The following KPNA6 variants were observed in gnomAD, a reference collection of about 807,000 sequenced individuals.
KPNA6 encodes karyopherin subunit alpha 6, also known as importin subunit alpha-7.
In KPNA6, 9 loss-of-function variants were observed where a neutral mutation model predicts 72.0. The ratio of observed to expected loss-of-function variants is 0.13; its 90% CI spans 0.08 to 0.22. The LOEUF is 0.22. Among genes scored for constraint, KPNA6 ranks in the 10% least tolerant of loss-of-function variants. The probability of loss-of-function intolerance (pLI) is 1.00; values close to 1 mark genes in which losing one functional copy is unlikely to be tolerated. For missense variants in KPNA6, 374 were observed against 655.7 expected (o/e 0.57, Z 4.69); for synonymous variants, 219 against 242.1 (o/e 0.90, Z 0.89).
chr1:32,135,870 T>C (rs1284038962), intron 1 of KPNA6, among the ~76,000 whole-genome samples: 1 of 151,866 alleles, frequency 6.6e-6, no homozygotes, highest in African/African-American at 2.4e-5. Context: ...ATACTAAATA[T>C]ACTAAAAATG....
Position 32,176,451 on chromosome 1 carries a change from G to C in KPNA6, c.*5557G>C, listed in dbSNP as rs1309203908. The C allele has an allele frequency of 6.6e-6, 1 of 152,450 alleles. No individual in the cohort carries two copies. Among genetic ancestry groups the C allele is most frequent in the Non-Finnish European group, 1.5e-5 (1 of 68,028 alleles). 9.4% of individuals were successfully genotyped at this position (152,450 alleles called of 1,614,324 possible). ...GAAAACATGGCATTGAGTGTGCTGA[G>C]TCCAGACAAATGTTATTTATATACA... On this transcript the variant is annotated 3_prime_UTR_variant, in exon 14 of 14. Coordinates refer to ENST00000373625, the MANE Select transcript of KPNA6 (RefSeq NM_012316.5).
chr1:32,119,000 A>G (rs1406372550), intron 1 of KPNA6, among the ~76,000 whole-genome samples: 246 of 56,298 alleles, frequency 4.4e-3, no homozygotes, highest in African/African-American at 0.013. Context: ...GTGTATACAT[A>G]TATATATATA....
intron 7 of KPNA6, 27 bp from the exon 8 acceptor site, chr1:32,161,920 A>T: frequency 6.3e-7 from 1 of 1,581,152 alleles, no homozygotes; most frequent in Non-Finnish European, 8.7e-7. Flanking sequence ...CTCAGTGCTC[A>T]GGATCTGGCT....
intron 1 of KPNA6, among the ~76,000 whole-genome samples, chr1:32,154,068 G>C (rs1177684144): frequency 2.0e-5 from 3 of 151,762 alleles, no homozygotes; most frequent in Non-Finnish European, 4.4e-5. Context: ...AATCACGTGA[G>C]CCCAGGAGGC....
intron 1 of KPNA6, among the ~76,000 whole-genome samples, chr1:32,121,663 C>T (rs1361171108): frequency 6.6e-6 from 1 of 152,048 alleles, no homozygotes; most frequent in Non-Finnish European, 1.5e-5. Context: ...ACAAGGAGTG[C>T]TTGGTGTCTT....
chr1:32,163,887 T>A (rs1642285453), intron 10 of KPNA6, among the ~76,000 whole-genome samples: 1 of 152,246 alleles, frequency 6.6e-6, no homozygotes, highest in Non-Finnish European at 1.5e-5. Context: ...GCTCATTTTC[T>A]GGGTTACTTT....
intron 1 of KPNA6, 121 bp downstream of exon 1, chr1:32,108,255 G>A (rs1167894464): frequency 2.2e-5 from 32 of 1,444,592 alleles, no homozygotes; most frequent in Non-Finnish European, 2.7e-5. Flanking sequence ...TAGGTCTGAG[G>A]GGAAAAGTCA....
intron 1 of KPNA6, among the ~76,000 whole-genome samples, chr1:32,126,383 ATTTG>A (rs1395944415): frequency 1.4e-5 from 2 of 145,662 alleles, no homozygotes; most frequent in African/African-American, 2.5e-5. Context: ...AGTCATCAGC[ATTTG>A]TTTGTTTATT....
chr1:32,146,229 G>A (rs1448624576), intron 1 of KPNA6, among the ~76,000 whole-genome samples: 1 of 152,176 alleles, frequency 6.6e-6, no homozygotes, highest in Non-Finnish European at 1.5e-5. Flanking sequence ...GCCACAGTTG[G>A]TGGGGACAAA....
In KPNA6 at chr1:32,158,298, C is replaced by T. The variant is rs756602692; in HGVS notation, c.363C>T (p.Asn121=). The T allele has an allele frequency of 1.9e-6, 3 of 1,613,206 alleles. No homozygotes were observed. The highest frequency in any genetic ancestry group is 2.2e-5 in the South Asian group (2 of 91,060). The change falls in exon 5 of 14, where the codon AAC becomes AAT. Residue 121 remains asparagine (N), a synonymous_variant. Transcript: ENST00000373625. ...GTCCTCCAATAGATGAAGTTATCAA[C>T]ACTCCAAGAGTGGTGGATCGGTTCG... The part of the protein sequence containing the change: ...EPSPPIDEVI[N]TPRVVDRFVE...
intron 1 of KPNA6, among the ~76,000 whole-genome samples, chr1:32,127,865 A>G (rs956353850): frequency 6.6e-6 from 1 of 152,174 alleles, no homozygotes; most frequent in Admixed American, 6.5e-5. Flanking sequence ...TATCTTTTGT[A>G]TTCTTAGAGC....
At chr1:32,161,408 C>T (rs1642236175) in intron 7 of KPNA6, among the ~76,000 whole-genome samples, 1 of 152,162 alleles carries the variant, frequency 6.6e-6, no homozygotes, top group Non-Finnish European at 1.5e-5. Context: ...TCATTGTATC[C>T]TTCTCCCATC....
chr1:32,175,940 TAAAA>T lies in KPNA6; in HGVS notation c.*5050_*5053del, dbSNP rs1024857455. ...TAGTAAAACCCCGTCCCTACAAAAA[TAAAA>T]AAATAAAAAAAATAAGCCAGGTGTG... On this transcript the variant is annotated 3_prime_UTR_variant, in exon 14 of 14. Transcript: ENST00000373625. 3.4e-5 allele frequency: 5 copies of T among 146,306 alleles called. No individual in the cohort carries two copies. The highest frequency in any genetic ancestry group is 1.3e-4 in the African/African-American group (5 of 37,156). The allele number at this position is 146,306 out of a possible 1,614,324, so 9.1% of individuals were successfully genotyped here.
intron 1 of KPNA6, among the ~76,000 whole-genome samples, chr1:32,108,576 C>G (rs1356183615): frequency 6.6e-6 from 1 of 152,236 alleles, no homozygotes; most frequent in Non-Finnish European, 1.5e-5. Flanking sequence ...GAAGTCCTAC[C>G]TACGTAGCGA....
At chr1:32,137,842 T>C (rs1177241199) in intron 1 of KPNA6, among the ~76,000 whole-genome samples, 1 of 151,822 alleles carries the variant, frequency 6.6e-6, no homozygotes, top group Admixed American at 6.6e-5. Context: ...AACTGCGAAA[T>C]AGGGAAGATA....
In KPNA6 at chr1:32,162,626, G is replaced by A. The variant is rs189535565; in HGVS notation, c.911+102G>A. 8 of 1,273,452 alleles carry A rather than the reference G, an allele frequency of 6.3e-6. No individual in the cohort carries two copies. The South Asian group carries it at 8.6e-5, about 14-fold the overall frequency. 78.9% of individuals were successfully genotyped at this position (1,273,452 alleles called of 1,614,324 possible). Reference sequence around the variant, plus strand: ...CCAAGGTGGGCGGATCACAAGGTCAGGAGTTCGAGACCAGCCTGACCAACA... The same window carrying A: ...CCAAGGTGGGCGGATCACAAGGTCAAGAGTTCGAGACCAGCCTGACCAACA... On this transcript the variant is annotated intron_variant, in intron 9 of 13. Transcript: ENST00000373625.
At chr1:32,124,641 G>A (rs1485439311) in intron 1 of KPNA6, among the ~76,000 whole-genome samples, 2 of 151,538 alleles carry the variant, frequency 1.3e-5, no homozygotes, top group Non-Finnish European at 2.9e-5. Context: ...TGAGTAGCTG[G>A]GATTACAGGC....
At chr1:32,147,793 G>A (rs1641957176) in intron 1 of KPNA6, among the ~76,000 whole-genome samples, 1 of 150,820 alleles carries the variant, frequency 6.6e-6, no homozygotes, top group African/African-American at 2.4e-5. Context: ...CCAAGTAGCT[G>A]GGATTACAGA....
chr1:32,114,375 A>T (rs931006681), intron 1 of KPNA6, among the ~76,000 whole-genome samples: 1 of 151,148 alleles, frequency 6.6e-6, no homozygotes, highest in African/African-American at 2.4e-5. Context: ...TGGGAGGTGG[A>T]GGTTGCAGTG....
Sources: gnomAD v4.1 joint callset for allele counts (sites outside exome capture counted in the v4.1 genomes callset) on GRCh38, gnomAD v4.1.1 for gene constraint, MANE v1.5 for transcripts, NCBI Gene and HGNC (gene_info 2026-07-23, HGNC 2026-07-21) for gene names.